The following UNC5C variants were observed in gnomAD, a reference collection of about 807,000 sequenced individuals.
UNC5C encodes unc-5 netrin receptor C.
A neutral mutation model predicts 99.8 loss-of-function variants in UNC5C; 47 were observed. The observed-to-expected ratio is 0.47, with a 90% CI of 0.37 to 0.60. UNC5C has a LOEUF of 0.60. Ranked by LOEUF, UNC5C falls within the 20% of genes least tolerant of loss-of-function variation. UNC5C has a pLI of 0.00. For missense variants in UNC5C, 1,062 were observed against 1,165.9 expected (o/e 0.91, Z 1.30); for synonymous variants, 487 against 452.2 (o/e 1.08, Z -0.98).
At chr4:95,478,374 A>G (rs982781236) in intron 1 of UNC5C, among the ~76,000 whole-genome samples, 3 of 151,948 alleles carry the variant, frequency 2.0e-5, no homozygotes, top group African/African-American at 7.2e-5. Flanking sequence ...CTCCAAGACT[A>G]CTCAACAATC....
intron 1 of UNC5C, among the ~76,000 whole-genome samples, chr4:95,440,014 C>T (rs1746902973): frequency 1.3e-5 from 2 of 152,308 alleles, no homozygotes; most frequent in African/African-American, 2.4e-5. Context: ...CACTAGGAGA[C>T]ATTTCTCTCC....
intron 1 of UNC5C, among the ~76,000 whole-genome samples, chr4:95,482,795 T>G (rs1721202050): frequency 8.6e-6 from 1 of 116,324 alleles, no homozygotes. Context: ...CACTCATAGA[T>G]GGGAATTGAA....
intron 3 of UNC5C, among the ~76,000 whole-genome samples, chr4:95,285,486 T>G (rs760228644): frequency 3.9e-5 from 6 of 152,210 alleles, no homozygotes; most frequent in Non-Finnish European, 7.3e-5. Context: ...ATTATTATAA[T>G]TACATTTATT....
At chr4:95,439,674 G>T (rs544193059) in intron 1 of UNC5C, among the ~76,000 whole-genome samples, 2 of 152,104 alleles carry the variant, frequency 1.3e-5, no homozygotes, top group Non-Finnish European at 2.9e-5. Context: ...GGATGTTAAT[G>T]GTGTTTTGGG....
chr4:95,392,199 C>G (rs10008251), intron 1 of UNC5C, among the ~76,000 whole-genome samples: 10,229 of 152,062 alleles, frequency 0.067, 906 homozygotes, highest in African/African-American at 0.16. Context: ...AATTTTTAAG[C>G]AAGGATAACT....
At chr4:95,197,671 C>A (rs1364311800) in intron 12 of UNC5C, among the ~76,000 whole-genome samples, 1 of 152,072 alleles carries the variant, frequency 6.6e-6, no homozygotes, top group African/African-American at 2.4e-5. Flanking sequence ...CCGTGGGAAT[C>A]GGGTAAGTCA....
chr4:95,218,824 T>C (rs1365119870), intron 9 of UNC5C, 145 bp downstream of exon 9: 6 of 742,296 alleles, frequency 8.1e-6, no homozygotes, highest in Non-Finnish European at 1.3e-5. Flanking sequence ...AGTAATGTTC[T>C]GTTTACATTG....
At chr4:95,200,569 T>C (rs1737616206) in intron 12 of UNC5C, among the ~76,000 whole-genome samples, 1 of 152,226 alleles carries the variant, frequency 6.6e-6, no homozygotes, top group African/African-American at 2.4e-5. Context: ...AAAATGAAGA[T>C]TAAATGAGTT....
chr4:95,544,608 T>C (rs1329997218), intron 1 of UNC5C, among the ~76,000 whole-genome samples: 1 of 152,212 alleles, frequency 6.6e-6, no homozygotes, highest in Non-Finnish European at 1.5e-5. Context: ...ATTCCGTTTC[T>C]AACAAATAGC....
At chr4:95,514,867 T>C (rs1722173618) in intron 1 of UNC5C, among the ~76,000 whole-genome samples, 1 of 151,594 alleles carries the variant, frequency 6.6e-6, no homozygotes, top group Admixed American at 6.6e-5. Context: ...AGAGACGGGG[T>C]TTCACCATGT....
rs115101075 is a variant in UNC5C, at chr4:95,497,324, T to G, written c.124+51410A>C. Among the ~76,000 whole-genome samples the G allele has an allele frequency of 9.3e-3, 1,408 of 152,058 alleles. 23 individuals are homozygous for G. The highest frequency in any genetic ancestry group is 0.032 in the African/African-American group (1,328 of 41,520). On this transcript the variant is annotated intron_variant, in intron 1 of 15. Transcript: ENST00000453304. ...AAAGTGTCTGCTTTTAACCACAGCTTGCACTTACTTTAAAATATAAATCCA... is the reference window on the plus strand; with the variant it reads ...AAAGTGTCTGCTTTTAACCACAGCTGGCACTTACTTTAAAATATAAATCCA...
Position 95,414,679 on chromosome 4 carries a change from G to A in UNC5C, c.125-79048C>T, listed in dbSNP as rs374253429. ...CATTCTATTCTAATAAAATATACAC[G>A]TACATTTAAAGTAAATTCTCCTCTA... On this transcript the variant is annotated intron_variant, in intron 1 of 15. Transcript: ENST00000453304. Among the ~76,000 whole-genome samples, 17 of 152,186 alleles carry A rather than the reference G, an allele frequency of 1.1e-4. No individual in the cohort carries two copies. The South Asian group carries it at 2.3e-3, about 20-fold the overall frequency.
intron 1 of UNC5C, among the ~76,000 whole-genome samples, chr4:95,474,398 C>G (rs973426086): frequency 1.3e-5 from 2 of 152,146 alleles, no homozygotes; most frequent in African/African-American, 4.8e-5. Flanking sequence ...TCAAGCGATT[C>G]TCCTGCCTCA....
chr4:95,425,980 G>A (rs1001985543), intron 1 of UNC5C, among the ~76,000 whole-genome samples: 7 of 151,008 alleles, frequency 4.6e-5, no homozygotes, highest in Admixed American at 4.6e-4. Flanking sequence ...TTTTTCATTC[G>A]GTATCATCCA....
At chr4:95,485,238 G>T (rs1463297648) in intron 1 of UNC5C, among the ~76,000 whole-genome samples, 2 of 151,598 alleles carry the variant, frequency 1.3e-5, no homozygotes, top group African/African-American at 4.8e-5. Flanking sequence ...AACTGCCTTG[G>T]GAATTACCAG....
intron 1 of UNC5C, among the ~76,000 whole-genome samples, chr4:95,493,114 A>G (rs770794630): frequency 1.3e-5 from 2 of 151,660 alleles, no homozygotes; most frequent in African/African-American, 2.4e-5. Context: ...ATTATTATAA[A>G]TAATGTAAGC....
Position 95,486,139 on chromosome 4 carries a change from AG to A in UNC5C, c.124+62594del, listed in dbSNP as rs200136163. 2.6e-3 allele frequency among the ~76,000 whole-genome samples: 388 copies of A among 151,922 alleles called. 5 individuals are homozygous for A. In the East Asian group the frequency reaches 0.048, roughly 19 times the overall value. Reference sequence around the variant, plus strand: ...AGTTTCTGATTTGTTCAAGGTTAAAAGTCAAATATACATAAAATAAAACATA... The same window carrying A: ...AGTTTCTGATTTGTTCAAGGTTAAAATCAAATATACATAAAATAAAACATA... On this transcript the variant is annotated intron_variant, in intron 1 of 15. Transcript: ENST00000453304.
intron 1 of UNC5C, among the ~76,000 whole-genome samples, chr4:95,445,295 A>T (rs996621878): frequency 6.6e-6 from 1 of 151,336 alleles, no homozygotes; most frequent in Admixed American, 6.6e-5. Flanking sequence ...CTGCCCTCCA[A>T]CCCTTTTTTT....
At chr4:95,418,587 T>C (rs924074313) in intron 1 of UNC5C, among the ~76,000 whole-genome samples, 3 of 152,322 alleles carry the variant, frequency 2.0e-5, no homozygotes, top group Non-Finnish European at 2.9e-5. Context: ...TGAGGCCTAC[T>C]TTTTACTATA....
Sources: gnomAD v4.1 joint callset for allele counts (sites outside exome capture counted in the v4.1 genomes callset) on GRCh38, gnomAD v4.1.1 for gene constraint, MANE v1.5 for transcripts, NCBI Gene and HGNC (gene_info 2026-07-23, HGNC 2026-07-21) for gene names.